Variants in CDH18 observed in about 807,000 individuals in gnomAD.
CDH18 encodes the protein cadherin-18.
CDH18 carries 31 observed loss-of-function variants against 67.9 expected under a neutral mutation model. The observed-to-expected ratio is 0.46, with a 90% CI of 0.34 to 0.62. CDH18 has a LOEUF of 0.62. Among genes scored for constraint, CDH18 ranks in the 20% least tolerant of loss-of-function variants. CDH18 has a pLI of 0.01. For synonymous variants in CDH18, 362 were observed against 347.2 expected (o/e 1.04, Z -0.48); for missense variants, 890 against 975.5 (o/e 0.91, Z 1.17).
intron 2 of CDH18, among the ~76,000 whole-genome samples, chr5:20,050,202 T>TA (rs1741288842): frequency 6.6e-6 from 1 of 151,916 alleles, no homozygotes; most frequent in African/African-American, 2.4e-5. Flanking sequence ...GGGCATTTCC[T>TA]AATAAAGGTT....
chr5:20,282,767 A>G (rs996266350), intron 1 of CDH18, among the ~76,000 whole-genome samples: 1 of 152,128 alleles, frequency 6.6e-6, no homozygotes, highest in Non-Finnish European at 1.5e-5. Flanking sequence ...TTGTCTATTG[A>G]TAGAAATAAA....
chr5:20,380,368 A>G (rs1398463684), intron 1 of CDH18, among the ~76,000 whole-genome samples: 1 of 152,232 alleles, frequency 6.6e-6, no homozygotes, highest in Non-Finnish European at 1.5e-5. Flanking sequence ...ACTGTTTGAC[A>G]GAAAATAACA....
chr5:19,593,806 C>T (rs1046080441), intron 6 of CDH18, among the ~76,000 whole-genome samples: 4 of 146,142 alleles, frequency 2.7e-5, no homozygotes, highest in South Asian at 2.2e-4. Context: ...GGAAATAAGC[C>T]TTTTAGCAGA....
intron 5 of CDH18, among the ~76,000 whole-genome samples, chr5:19,675,982 TAA>T (rs888734513): frequency 7.0e-6 from 1 of 143,360 alleles, no homozygotes; most frequent in African/African-American, 2.5e-5. Context: ...CAACAATCAT[TAA>T]AAAAAAAAAG....
intron 2 of CDH18, among the ~76,000 whole-genome samples, chr5:19,870,585 C>T (rs548925412): frequency 6.6e-6 from 1 of 152,208 alleles, no homozygotes; most frequent in African/African-American, 2.4e-5. Flanking sequence ...ATTTCTTCAA[C>T]TGGAGCCACA....
intron 2 of CDH18, among the ~76,000 whole-genome samples, chr5:19,862,363 A>G (rs1252043412): frequency 6.6e-6 from 1 of 152,182 alleles, no homozygotes; most frequent in Non-Finnish European, 1.5e-5. Context: ...TGTCTATAAA[A>G]TTAGGAAACT....
chr5:19,595,307 C>T (rs992682404), intron 6 of CDH18, among the ~76,000 whole-genome samples: 13 of 151,948 alleles, frequency 8.6e-5, no homozygotes, highest in Admixed American at 2.6e-4. Context: ...ACTTATACAC[C>T]GTAAACTAGA....
intron 1 of CDH18, among the ~76,000 whole-genome samples, chr5:20,511,070 T>C (rs927491480): frequency 2.4e-4 from 37 of 151,928 alleles, no homozygotes; most frequent in African/African-American, 8.5e-4. Context: ...ATAGGAGAAA[T>C]GGTGCAGATT....
chr5:19,571,392 T>A (rs563481987), intron 8 of CDH18, among the ~76,000 whole-genome samples, 187 bp downstream of exon 8: 1 of 152,300 alleles, frequency 6.6e-6, no homozygotes, highest in Admixed American at 6.5e-5. Context: ...TAGCAAAATA[T>A]GTTCTTAATG....
At chr5:20,024,494 T>C (rs181594814) in intron 2 of CDH18, among the ~76,000 whole-genome samples, 79 of 152,240 alleles carry the variant, frequency 5.2e-4, no homozygotes, top group Admixed American at 1.6e-3. Context: ...ATTTTTAAAC[T>C]ATAGAAACAT....
chr5:19,695,501 G>A (rs1008362944), intron 5 of CDH18, among the ~76,000 whole-genome samples: 1 of 152,108 alleles, frequency 6.6e-6, no homozygotes, highest in African/African-American at 2.4e-5. Context: ...GGCATTAAGA[G>A]CCTAAAAATG....
At chr5:20,250,317 G>A (rs1027502011) in intron 2 of CDH18, among the ~76,000 whole-genome samples, 2 of 150,372 alleles carry the variant, frequency 1.3e-5, no homozygotes, top group Non-Finnish European at 3.0e-5. Context: ...TTTTTCAGAC[G>A]AAGTCTTGCT....
chr5:20,211,046 T>C (rs1740312204), intron 2 of CDH18, among the ~76,000 whole-genome samples: 1 of 152,142 alleles, frequency 6.6e-6, no homozygotes, highest in Non-Finnish European at 1.5e-5. Context: ...AGGTGTTCAG[T>C]TCCAGACCAC....
intron 6 of CDH18, among the ~76,000 whole-genome samples, chr5:19,610,105 G>A (rs924195229): frequency 6.6e-6 from 1 of 152,010 alleles, no homozygotes; most frequent in Non-Finnish European, 1.5e-5. Flanking sequence ...GAAACCCCAA[G>A]TGTAAACTTC....
intron 1 of CDH18, among the ~76,000 whole-genome samples, chr5:20,561,676 A>G (rs969998502): frequency 9.9e-5 from 15 of 152,014 alleles, no homozygotes; most frequent in African/African-American, 3.6e-4. Context: ...TAGTGAATAC[A>G]TGTCATTATA....
intron 11 of CDH18, among the ~76,000 whole-genome samples, chr5:19,497,120 T>C (rs770293): frequency 0.23 from 34,919 of 151,562 alleles, 4,477 homozygotes; most frequent in African/African-American, 0.34. Flanking sequence ...CACTTTCCCC[T>C]ACCCCCACCA....
chr5:20,046,263 C>T (rs1740883546), intron 2 of CDH18, among the ~76,000 whole-genome samples: 1 of 151,864 alleles, frequency 6.6e-6, no homozygotes, highest in South Asian at 2.1e-4. Flanking sequence ...CATGATAATA[C>T]CACATATTCT....
At chr5:20,013,642 A>T (rs1737646275) in intron 2 of CDH18, among the ~76,000 whole-genome samples, 1 of 152,080 alleles carries the variant, frequency 6.6e-6, no homozygotes, top group Admixed American at 6.6e-5. Context: ...CTAATTCATC[A>T]TTTTCTCAAT....
chr5:19,599,037 A>G (rs1746630370), intron 6 of CDH18, among the ~76,000 whole-genome samples: 1 of 152,164 alleles, frequency 6.6e-6, no homozygotes, highest in East Asian at 1.9e-4. Context: ...ATTTTTTTAA[A>G]AATCATATGA....
Sources: allele counts gnomAD v4.1 joint callset (sites outside exome capture counted in the v4.1 genomes callset), GRCh38; gene constraint gnomAD v4.1.1; transcripts MANE v1.5; gene names NCBI Gene and HGNC (gene_info 2026-07-23, HGNC 2026-07-21).